The following RALGPS2 variants were observed in gnomAD, a reference collection of about 807,000 sequenced individuals.
RALGPS2 encodes the protein Ral GEF with PH domain and SH3 binding motif 2.
Under a neutral mutation model 86.8 loss-of-function variants are expected in RALGPS2, and 43 were observed. That is an observed-to-expected ratio of 0.50 (90% CI 0.39 to 0.64). The LOEUF is 0.64. Ranked by LOEUF, RALGPS2 falls within the 30% of genes least tolerant of loss-of-function variation. RALGPS2 has a pLI of 0.00. For synonymous variants in RALGPS2, 243 were observed against 231.3 expected (o/e 1.05, Z -0.46); for missense variants, 536 against 694.6 (o/e 0.77, Z 2.57).
chr1:178,892,193 A>G (rs1206956093), intron 14 of RALGPS2, 37 bp from the exon 15 acceptor site: 4 of 1,547,484 alleles, frequency 2.6e-6, no homozygotes, highest in South Asian at 2.2e-5. Context: ...GAATAAAAGT[A>G]TATGTAATAT....
chr1:178,755,008 C>G (rs546577762), intron 1 of RALGPS2, among the ~76,000 whole-genome samples: 3 of 152,316 alleles, frequency 2.0e-5, no homozygotes, highest in African/African-American at 7.2e-5. Context: ...CCATGTTGGC[C>G]AGGCTGGTCT....
At chr1:178,902,785 A>G (rs1356767354) in intron 18 of RALGPS2, among the ~76,000 whole-genome samples, 1 of 152,166 alleles carries the variant, frequency 6.6e-6, no homozygotes, top group African/African-American at 2.4e-5. Context: ...ATTCTAAAGA[A>G]TATTTAAGAA....
chr1:178,786,602 T>C (rs139103269), intron 4 of RALGPS2, among the ~76,000 whole-genome samples: 1 of 151,982 alleles, frequency 6.6e-6, no homozygotes, highest in African/African-American at 2.4e-5. Flanking sequence ...ACAATTGTCT[T>C]TGGTACACAA....
At chr1:178,726,705 T>C (rs185038601) in intron 1 of RALGPS2, among the ~76,000 whole-genome samples, 1 of 152,332 alleles carries the variant, frequency 6.6e-6, no homozygotes, top group Admixed American at 6.5e-5. Flanking sequence ...CTTACCAGTG[T>C]TCATGAGTTG....
chr1:178,839,788 T>A (rs897626445), intron 8 of RALGPS2, among the ~76,000 whole-genome samples: 2 of 152,100 alleles, frequency 1.3e-5, no homozygotes, highest in African/African-American at 4.8e-5. Flanking sequence ...GGGACACACA[T>A]AGGCTCAAAA....
Position 178,892,342 on chromosome 1 carries a change from C to G in RALGPS2, c.1325+35C>G, listed in dbSNP as rs749804078. On this transcript the variant is annotated intron_variant, in intron 15 of 19. Coordinates refer to ENST00000367635, the MANE Select transcript of RALGPS2 (RefSeq NM_152663.5). ...CCCTGCATTCAGGGGTCACAGAACT[C>G]CCTTATGGTGTTGGTGATTGGCTTA... 6 of 1,573,234 alleles carry G rather than the reference C, an allele frequency of 3.8e-6. No individual in the cohort carries two copies. The South Asian group carries it at 6.7e-5, about 17-fold the overall frequency.
At position 178,806,697 on chromosome 1, in the gene RALGPS2, T is replaced by G. The variant is rs117373241; in HGVS notation, c.214-1348T>G. On this transcript the variant is annotated intron_variant, in intron 4 of 19. Coordinates refer to ENST00000367635, the MANE Select transcript of RALGPS2 (RefSeq NM_152663.5). ...TAGTGGGTACAATGTCTTTTTCTCA[T>G]GTATTAAAAAATAATAATTATATGG... 8.9e-4 allele frequency among the ~76,000 whole-genome samples: 136 copies of G among 152,256 alleles called. 3 individuals are homozygous for G. In the East Asian group the frequency reaches 0.025, roughly 28 times the overall value.
chr1:178,853,039 C>T, intron 8 of RALGPS2: 1 of 1,494,580 alleles, frequency 6.7e-7, no homozygotes, highest in Non-Finnish European at 8.9e-7. Flanking sequence ...CATTCGATAG[C>T]ATAAAGATAC....
In RALGPS2 at chr1:178,828,351, A is replaced by G. The variant is rs538652510; in HGVS notation, c.481-5073A>G. ...GCATAGCCTACAATACACCTAGGCTATATGGTACAGCCTATTGCTTCTAGA... is the reference window on the plus strand; with the variant it reads ...GCATAGCCTACAATACACCTAGGCTGTATGGTACAGCCTATTGCTTCTAGA... On this transcript the variant is annotated intron_variant, in intron 7 of 19. Transcript: ENST00000367635. Among the ~76,000 whole-genome samples, 3 of 152,348 alleles carry G rather than the reference A, an allele frequency of 2.0e-5. No individual in the cohort carries two copies. The South Asian group carries it at 6.2e-4, about 32-fold the overall frequency.
At position 178,859,831 on chromosome 1, in the gene RALGPS2, C is replaced by G. The variant is rs931107239; in HGVS notation, c.608-17667C>G. On this transcript the variant is annotated intron_variant, in intron 8 of 19. Coordinates refer to ENST00000367635, the MANE Select transcript of RALGPS2 (RefSeq NM_152663.5). ...TCCTGCCTCTGCCCGCCCCCCCCCCCCCAACCGCCCAAGTAGCTGGGACTA... is the reference window on the plus strand; with the variant it reads ...TCCTGCCTCTGCCCGCCCCCCCCCCGCCAACCGCCCAAGTAGCTGGGACTA... Among the ~76,000 whole-genome samples the G allele has an allele frequency of 1.6e-4, 16 of 100,646 alleles. 1 individual carries two copies. In the South Asian group the frequency reaches 3.9e-3, roughly 24 times the overall value. 66.0% of individuals were successfully genotyped at this position (100,646 alleles called of 152,430 possible). A position where few individuals can be genotyped will look rare whatever the true frequency, so the allele number is the denominator to read the frequency against.
chr1:178,773,575 T>G (rs1395886870), intron 1 of RALGPS2, among the ~76,000 whole-genome samples: 2 of 152,284 alleles, frequency 1.3e-5, no homozygotes, highest in East Asian at 3.9e-4. Context: ...TCTGTTATAC[T>G]TCAACATTAT....
chr1:178,920,441 C>CT lies in RALGPS2; in HGVS notation c.*4084dup, dbSNP rs2102434089. ...AATAATCATGTGCCCTCTTGCTCCT[C>CT]TTATTTCAGGAGTGTGTGCTATCCC... On this transcript the variant is annotated 3_prime_UTR_variant, in exon 20 of 20. Coordinates refer to ENST00000367635, the MANE Select transcript of RALGPS2 (RefSeq NM_152663.5). 1 of 152,066 alleles carries CT rather than the reference C, an allele frequency of 6.6e-6. No individual in the cohort carries two copies. The highest frequency in any genetic ancestry group is 1.9e-4 in the East Asian group (1 of 5,182). 9.4% of individuals were successfully genotyped at this position (152,066 alleles called of 1,614,324 possible).
rs184554712 is a variant in RALGPS2 at position 178,829,797 on chromosome 1, C to T, written c.481-3627C>T. Among the ~76,000 whole-genome samples the T allele has an allele frequency of 6.0e-3, 910 of 151,872 alleles. 15 individuals carry two copies. The highest frequency in any genetic ancestry group is 0.021 in the African/African-American group (879 of 41,446). On this transcript the variant is annotated intron_variant, in intron 7 of 19. Transcript: ENST00000367635. Reference sequence around the variant, plus strand: ...TCTCGCTCTATCACCCAGGCTGTAGCGCAGTGGCACAATCTTGGCTCACTG... The same window carrying T: ...TCTCGCTCTATCACCCAGGCTGTAGTGCAGTGGCACAATCTTGGCTCACTG...
At chr1:178,776,182 A>G (rs1240017898) in intron 1 of RALGPS2, among the ~76,000 whole-genome samples, 4 of 152,166 alleles carry the variant, frequency 2.6e-5, no homozygotes, top group Non-Finnish European at 4.4e-5. Context: ...TCCCCCATGG[A>G]TACTGAGAGA....
chr1:178,852,680 T>TA (rs779151567), intron 8 of RALGPS2: 1 of 1,609,110 alleles, frequency 6.2e-7, no homozygotes, highest in South Asian at 1.1e-5. Context: ...TTTTCATACT[T>TA]ACCTGCATAC....
intron 8 of RALGPS2, among the ~76,000 whole-genome samples, chr1:178,858,887 G>A (rs1014014330): frequency 5.3e-5 from 8 of 152,176 alleles, no homozygotes; most frequent in Non-Finnish European, 1.0e-4. Context: ...AGATTACAAA[G>A]AGAATCCTTT....
intron 10 of RALGPS2, among the ~76,000 whole-genome samples, chr1:178,880,820 T>C (rs1659212983): frequency 6.6e-6 from 1 of 152,210 alleles, no homozygotes; most frequent in African/African-American, 2.4e-5. Flanking sequence ...ACTGTAAAAT[T>C]ATAATACAAT....
rs114827904 is a variant in RALGPS2, at chr1:178,796,701, C to G, written c.213+11094C>G. Among the ~76,000 whole-genome samples, 98 of 152,210 alleles carry G rather than the reference C, an allele frequency of 6.4e-4. 1 individual carries two copies. Among genetic ancestry groups the G allele is most frequent in the Admixed American group, 3.0e-3 (46 of 15,280 alleles). On this transcript the variant is annotated intron_variant, in intron 4 of 19. Transcript: ENST00000367635. ...AAGATGAAATTTAGATCAAGAATTT[C>G]TTTGCAGAACAAACCTACAAGATAT...
At chr1:178,735,130 A>G (rs1050299015) in intron 1 of RALGPS2, among the ~76,000 whole-genome samples, 1 of 152,212 alleles carries the variant, frequency 6.6e-6, no homozygotes, top group Non-Finnish European at 1.5e-5. Flanking sequence ...AATTTGTGGT[A>G]TAGCCTTATA....
Sources: gnomAD v4.1 joint callset for allele counts (sites outside exome capture counted in the v4.1 genomes callset) on GRCh38, gnomAD v4.1.1 for gene constraint, MANE v1.5 for transcripts, NCBI Gene and HGNC (gene_info 2026-07-23, HGNC 2026-07-21) for gene names.